The following SHANK2 variants were observed in gnomAD, a reference collection of about 807,000 sequenced individuals.
The protein encoded by SHANK2 is SH3 and multiple ankyrin repeat domains 2.
Under a neutral mutation model 133.7 loss-of-function variants are expected in SHANK2, and 43 were observed. The observed-to-expected ratio is 0.32, with a 90% confidence interval of 0.25 to 0.41. The LOEUF is 0.41. Ranked by LOEUF, SHANK2 falls within the 10% of genes least tolerant of loss-of-function variation. The pLI is 1.00. For missense variants in SHANK2, 1,994 were observed against 2,235.8 expected, an observed-to-expected ratio of 0.89 and a Z score of 2.18; for synonymous variants, 1,017 against 952.8, an observed-to-expected ratio of 1.07 and a Z score of -1.24.
At chr11:70,519,740 T>G (rs2135922458) in intron 17 of SHANK2, among the ~76,000 whole-genome samples, 1 of 152,232 alleles carries the variant, frequency 6.6e-6, no homozygotes, top group South Asian at 2.1e-4. Context: ...CTATTGTTTT[T>G]ATTTTATTTT....
intron 14 of SHANK2, 63 bp downstream of exon 14, chr11:70,798,380 C>A (rs3017488): frequency 1.4e-6 from 1 of 710,960 alleles, no homozygotes; most frequent in Non-Finnish European, 2.6e-6. Flanking sequence ...CGGACAACAC[C>A]GACCACGGGC....
intron 2 of SHANK2, among the ~76,000 whole-genome samples, chr11:71,158,538 T>C (rs1474060275): frequency 1.3e-5 from 2 of 152,188 alleles, no homozygotes; most frequent in African/African-American, 4.8e-5. Context: ...ATCTTCAAGA[T>C]GAAAATTCTC....
In SHANK2 at chr11:70,490,307, A is replaced by T; in HGVS notation, c.2520T>A (p.Pro840=). 1 of 1,614,168 alleles carries T rather than the reference A, an allele frequency of 6.2e-7. No individual in the cohort carries two copies. The highest frequency in any genetic ancestry group is 8.5e-7 in the Non-Finnish European group (1 of 1,180,006). Residue 840 remains proline (P), a synonymous_variant, in exon 23 of 26, where the codon CCT becomes CCA. Coordinates refer to ENST00000601538, the MANE Select transcript of SHANK2 (RefSeq NM_012309.5). The part of the protein sequence containing the change: ...GSPKAPFLGI[P]RGTMRRQKSI... ...ATTTCTGCCTTCGCATCGTACCTCGAGGGATGCCCAGAAACGGGGCTTTTG... is the reference window on the plus strand; with the variant it reads ...ATTTCTGCCTTCGCATCGTACCTCGTGGGATGCCCAGAAACGGGGCTTTTG...
chr11:71,199,815 C>A (rs1331200358), intron 2 of SHANK2, among the ~76,000 whole-genome samples: 4 of 152,128 alleles, frequency 2.6e-5, no homozygotes, highest in Admixed American at 6.5e-5. Flanking sequence ...ACCCTGTAGC[C>A]GTGAGCTGCT....
At chr11:70,672,550 T>C (rs1944833094) in intron 15 of SHANK2, among the ~76,000 whole-genome samples, 1 of 152,238 alleles carries the variant, frequency 6.6e-6, no homozygotes, top group Admixed American at 6.5e-5. Context: ...CTCAGGACAC[T>C]GCTCCAGGTC....
intron 14 of SHANK2, among the ~76,000 whole-genome samples, chr11:70,774,699 T>G (rs34662590): frequency 0.11 from 17,162 of 152,146 alleles, 1,182 homozygotes; most frequent in South Asian, 0.29. Context: ...TTGCACAATC[T>G]CGTGAATATG....
chr11:70,770,231 T>A (rs538411885), intron 14 of SHANK2, among the ~76,000 whole-genome samples: 10 of 152,248 alleles, frequency 6.6e-5, no homozygotes, highest in African/African-American at 2.4e-4. Context: ...CTGTGTCTCC[T>A]GCTCTTTGCC....
At chr11:70,810,903 C>T (rs1372561679) in intron 12 of SHANK2, among the ~76,000 whole-genome samples, 1 of 152,228 alleles carries the variant, frequency 6.6e-6, no homozygotes, top group Admixed American at 6.5e-5. Flanking sequence ...TCTCAACCCC[C>T]TCTCCTGGCC....
At chr11:70,602,718 G>A (rs2060517316) in intron 17 of SHANK2, among the ~76,000 whole-genome samples, 1 of 152,196 alleles carries the variant, frequency 6.6e-6, no homozygotes, top group Non-Finnish European at 1.5e-5. Context: ...TACATGACAT[G>A]ATTGGACTGG....
At chr11:70,567,175 T>C (rs1222230690) in intron 17 of SHANK2, among the ~76,000 whole-genome samples, 1 of 152,200 alleles carries the variant, frequency 6.6e-6, no homozygotes, top group African/African-American at 2.4e-5. Context: ...GAAGCTGTGA[T>C]TGGCTAAATT....
chr11:70,756,398 C>G (rs1946874131), intron 14 of SHANK2, among the ~76,000 whole-genome samples: 2 of 152,288 alleles, frequency 1.3e-5, no homozygotes, highest in African/African-American at 2.4e-5. Flanking sequence ...GGTGCTGGGC[C>G]TAGGGATAGA....
chr11:70,626,882 C>T (rs1424624497), intron 17 of SHANK2, among the ~76,000 whole-genome samples: 1 of 152,206 alleles, frequency 6.6e-6, no homozygotes, highest in African/African-American at 2.4e-5. Flanking sequence ...CCAGAGTGGG[C>T]AGCCTGAAGA....
intron 2 of SHANK2, among the ~76,000 whole-genome samples, chr11:71,189,777 C>T (rs1555115102): frequency 2.0e-5 from 3 of 152,244 alleles, no homozygotes; most frequent in African/African-American, 4.8e-5. Context: ...GGACAAACTC[C>T]ATGTCCAGAG....
At chr11:70,508,223 G>A (rs1335303629) in intron 17 of SHANK2, among the ~76,000 whole-genome samples, 1 of 152,242 alleles carries the variant, frequency 6.6e-6, no homozygotes, top group Non-Finnish European at 1.5e-5. Context: ...CCCACGTGCT[G>A]CTGGGCACAC....
intron 1 of SHANK2, among the ~76,000 whole-genome samples, chr11:71,232,679 C>A (rs1270253466): frequency 6.6e-6 from 1 of 152,158 alleles, no homozygotes; most frequent in Non-Finnish European, 1.5e-5. Context: ...CTCTTAGTAA[C>A]ATGTTCTTTT....
At chr11:70,939,273 G>A (rs797033539) in intron 10 of SHANK2, among the ~76,000 whole-genome samples, 2 of 152,120 alleles carry the variant, frequency 1.3e-5, no homozygotes, top group African/African-American at 2.4e-5. Flanking sequence ...TCAGGAGTTT[G>A]AGACCAGCCT....
chr11:70,717,397 A>C (rs1341509622), intron 14 of SHANK2, among the ~76,000 whole-genome samples: 1 of 152,238 alleles, frequency 6.6e-6, no homozygotes, highest in Admixed American at 6.5e-5. Flanking sequence ...TTCTGGATGC[A>C]ACTGAGAAGC....
At chr11:70,637,896 A>G (rs1033653832) in intron 17 of SHANK2, among the ~76,000 whole-genome samples, 1 of 152,126 alleles carries the variant, frequency 6.6e-6, no homozygotes, top group Non-Finnish European at 1.5e-5. Context: ...GGGGTCTGCG[A>G]GCTGCCCACA....
intron 17 of SHANK2, among the ~76,000 whole-genome samples, chr11:70,529,374 G>A (rs574581875): frequency 1.1e-4 from 17 of 152,326 alleles, no homozygotes; most frequent in African/African-American, 3.8e-4. Context: ...AATGGTGGCT[G>A]GTGCAGTGGA....
Sources: allele counts gnomAD v4.1 joint callset (sites outside exome capture counted in the v4.1 genomes callset), GRCh38; gene constraint gnomAD v4.1.1; transcripts MANE v1.5; gene names NCBI Gene and HGNC (gene_info 2026-07-23, HGNC 2026-07-21).